Variants in SS18 observed in about 807,000 individuals in gnomAD.
The protein encoded by SS18 is protein SSXT.
SS18 carries 28 observed loss-of-function variants against 72.5 expected under a neutral mutation model. The observed-to-expected ratio is 0.39, with a 90% CI of 0.29 to 0.53. The LOEUF (loss-of-function observed/expected upper bound fraction) is 0.53. Ranked by LOEUF, SS18 falls within the 20% of genes least tolerant of loss-of-function variation. The pLI, the probability that SS18 is intolerant of heterozygous loss-of-function variation, is 0.76. For missense variants in SS18, 518 were observed against 535.3 expected (o/e 0.97, Z 0.32); for synonymous variants, 172 against 164.2 (o/e 1.05, Z -0.37).
upstream of SS18, chr18:26,090,676 G>T (rs1245150715): frequency 2.5e-6 from 3 of 1,187,892 alleles, no homozygotes; most frequent in Non-Finnish European, 3.6e-6. Context: ...AATGCGGGGA[G>T]GGGGGATGCT....
chr18:26,060,264 A>G (rs149594185), intron 3 of SS18, among the ~76,000 whole-genome samples: 7 of 152,356 alleles, frequency 4.6e-5, no homozygotes, highest in Admixed American at 3.9e-4. Flanking sequence ...CCTTGAAAAC[A>G]TTATGCCAAG....
At position 26,062,799 on chromosome 18, in the gene SS18, C is replaced by A. The variant is rs149015960; in HGVS notation, c.232-5057G>T. Among the ~76,000 whole-genome samples the A allele has an allele frequency of 5.3e-5, 8 of 152,020 alleles. No homozygotes were observed. In the South Asian group the frequency reaches 1.0e-3, roughly 20 times the overall value. On this transcript the variant is annotated intron_variant, in intron 3 of 10. Coordinates refer to ENST00000415083, the MANE Select transcript of SS18 (RefSeq NM_001007559.3). ...AGGGATAAACAGAGATGCTTTATTACGATAAAAGTTCAACAGGAATGTTTA... is the reference window on the plus strand; with the variant it reads ...AGGGATAAACAGAGATGCTTTATTAAGATAAAAGTTCAACAGGAATGTTTA...
chr18:26,090,612 G>C lies in SS18; in HGVS notation c.-43C>G, dbSNP rs891508328. Reference sequence around the variant, plus strand: ...TATCGGCAAGTCCCGAGCGCTCCGGGTGAACGGCAAACTGGGGGAGAGACG... The same window carrying C: ...TATCGGCAAGTCCCGAGCGCTCCGGCTGAACGGCAAACTGGGGGAGAGACG... On this transcript the variant is annotated 5_prime_UTR_variant, in exon 1 of 11. Coordinates refer to ENST00000415083, the MANE Select transcript of SS18 (RefSeq NM_001007559.3). 13 of 1,545,574 alleles carry C rather than the reference G, an allele frequency of 8.4e-6. No individual in the cohort carries two copies. The highest frequency in any genetic ancestry group is 1.2e-5 in the South Asian group (1 of 84,012).
chr18:26,072,219 C>A (rs2054322801), intron 3 of SS18, among the ~76,000 whole-genome samples: 1 of 151,504 alleles, frequency 6.6e-6, no homozygotes, highest in South Asian at 2.1e-4. Flanking sequence ...TATACAGTAA[C>A]CACTAAAAGA....
chr18:26,076,195 T>C (rs370598789), intron 3 of SS18, among the ~76,000 whole-genome samples: 2 of 151,620 alleles, frequency 1.3e-5, no homozygotes, highest in Non-Finnish European at 3.0e-5. Context: ...GGATTACGTA[T>C]ATGTGTATAT....
chr18:26,074,326 ACTT>A (rs1023877121), intron 3 of SS18, among the ~76,000 whole-genome samples: 2 of 151,526 alleles, frequency 1.3e-5, no homozygotes, highest in African/African-American at 4.9e-5. Context: ...AAAAAAAAAA[ACTT>A]ACTGAGTTCT....
intron 3 of SS18, 35 bp downstream of exon 3, chr18:26,078,041 G>C: frequency 6.7e-7 from 1 of 1,494,144 alleles, no homozygotes; most frequent in Non-Finnish European, 9.3e-7. Flanking sequence ...TAACTATAAA[G>C]ATTGTCTACT....
At chr18:26,029,159 A>G (rs923463450) in intron 10 of SS18, among the ~76,000 whole-genome samples, 2 of 152,170 alleles carry the variant, frequency 1.3e-5, no homozygotes, top group Non-Finnish European at 2.9e-5. Context: ...AGGAACAGCA[A>G]ATAGGCCAGT....
chr18:26,054,741 CTCTT>C (rs936696233), intron 4 of SS18, among the ~76,000 whole-genome samples: 2 of 140,802 alleles, frequency 1.4e-5, no homozygotes, highest in African/African-American at 6.1e-5. Flanking sequence ...AAATCTCTCT[CTCTT>C]TTTTTTTTTT....
intron 10 of SS18, among the ~76,000 whole-genome samples, chr18:26,025,591 G>C (rs2053432159): frequency 6.6e-6 from 1 of 151,718 alleles, no homozygotes; most frequent in African/African-American, 2.4e-5. Context: ...CAACAACACA[G>C]ATAAAATGGA....
chr18:26,022,131 G>C (rs779077627), intron 10 of SS18, among the ~76,000 whole-genome samples: 3 of 151,920 alleles, frequency 2.0e-5, no homozygotes, highest in Non-Finnish European at 4.4e-5. Context: ...ACATTTTAGG[G>C]GTTTCCTCTT....
At chr18:26,085,235 T>C (rs1293705474) in intron 2 of SS18, among the ~76,000 whole-genome samples, 1 of 152,204 alleles carries the variant, frequency 6.6e-6, no homozygotes, top group Non-Finnish European at 1.5e-5. Flanking sequence ...CAGTTATCAC[T>C]GTTGCCCAGG....
At position 26,028,402 on chromosome 18, in the gene SS18, T is replaced by C. The variant is rs144112818; in HGVS notation, c.1230+3997A>G. Among the ~76,000 whole-genome samples, 80 of 152,288 alleles carry C rather than the reference T, an allele frequency of 5.3e-4. 1 individual carries two copies. In the East Asian group the frequency reaches 0.015, roughly 28 times the overall value. On this transcript the variant is annotated intron_variant, in intron 10 of 10. Coordinates refer to ENST00000415083, the MANE Select transcript of SS18 (RefSeq NM_001007559.3). The stretch of plus-strand genomic sequence containing the variant: ...AATGGTACAACTACTTCGGAAAACA[T>C]TCTGGCAGTTTGTTGAATTAAATAT...
chr18:26,060,797 A>AAAAAAAAAAAAAC (rs2054107912), intron 3 of SS18, among the ~76,000 whole-genome samples: 1 of 131,002 alleles, frequency 7.6e-6, no homozygotes, highest in African/African-American at 3.1e-5. Context: ...AAAAAAAAAA[A>AAAAAAAAAAAAAC]AAAAAAAAAT....
At chr18:26,026,119 G>A (rs2053442037) in intron 10 of SS18, among the ~76,000 whole-genome samples, 1 of 152,136 alleles carries the variant, frequency 6.6e-6, no homozygotes, top group Admixed American at 6.5e-5. Flanking sequence ...CCACTGTTAT[G>A]TCAGGACACA....
At chr18:26,083,093 A>G (rs1310046355) in intron 2 of SS18, among the ~76,000 whole-genome samples, 2 of 152,200 alleles carry the variant, frequency 1.3e-5, no homozygotes, top group African/African-American at 4.8e-5. Context: ...CAACTTGAGA[A>G]AGAAAGAATA....
intron 3 of SS18, 54 bp downstream of exon 3, chr18:26,078,022 T>C (rs2054447807): frequency 3.8e-6 from 5 of 1,328,990 alleles, no homozygotes; most frequent in Non-Finnish European, 4.3e-6. Context: ...AAATGTGCCA[T>C]ACCATATGTA....
In SS18 at chr18:26,039,672, T is replaced by G. The variant is rs1047334244; in HGVS notation, c.608-216A>C. Reference sequence around the variant, plus strand: ...AAATAACCAATCCATGGTGGTTAACTTGAAATCCACTGGAAGATGATTCTT... The same window carrying G: ...AAATAACCAATCCATGGTGGTTAACGTGAAATCCACTGGAAGATGATTCTT... On this transcript the variant is annotated intron_variant, in intron 5 of 10. Transcript: ENST00000415083. Among the ~76,000 whole-genome samples, 10 of 152,316 alleles carry G rather than the reference T, an allele frequency of 6.6e-5. No homozygotes were observed. The South Asian group carries it at 8.3e-4, about 13-fold the overall frequency.
At chr18:26,018,903 C>T (rs994193542) in intron 10 of SS18, among the ~76,000 whole-genome samples, 2 of 152,246 alleles carry the variant, frequency 1.3e-5, no homozygotes, top group Admixed American at 1.3e-4. Context: ...GAGCCTTTCC[C>T]TGAGGTCAAC....
Sources: gnomAD v4.1 joint callset for allele counts (sites outside exome capture counted in the v4.1 genomes callset) on GRCh38, gnomAD v4.1.1 for gene constraint, MANE v1.5 for transcripts, NCBI Gene and HGNC (gene_info 2026-07-23, HGNC 2026-07-21) for gene names.